CSNK1G1: variants seen among roughly 807,000 people sequenced by gnomAD.
CSNK1G1 encodes the protein casein kinase I isoform gamma-1.
A neutral mutation model predicts 59.6 loss-of-function variants in CSNK1G1; 22 were observed. The ratio of observed to expected loss-of-function variants is 0.37; its 90% CI spans 0.26 to 0.53. The LOEUF (loss-of-function observed/expected upper bound fraction) is 0.53. Ranked by LOEUF, CSNK1G1 falls within the 20% of genes least tolerant of loss-of-function variation. CSNK1G1 has a pLI of 0.89. For synonymous variants in CSNK1G1, 179 were observed against 177.1 expected, an observed-to-expected ratio of 1.01 and a Z score of -0.08; for missense variants, 384 against 519.5, an observed-to-expected ratio of 0.74 and a Z score of 2.54.
rs370667564 is a variant in CSNK1G1 at position 64,300,357 on chromosome 15, T to C, written c.143A>G (p.Lys48Arg). 3.5e-5 allele frequency: 57 copies of C among 1,614,082 alleles called. No homozygotes were observed. Among genetic ancestry groups the C allele is most frequent in the Admixed American group, 2.5e-4 (15 of 60,000 alleles). The stretch of plus-strand genomic sequence containing the variant: ...TCCGAAGTTCCCACATCCTATCTTC[T>C]TGCCAACCCTGAAGTTGGGTCCCAC... ...LMVGPNFRVGKKIGCGNFGEL... is the reference protein window; with the variant it reads ...LMVGPNFRVGRKIGCGNFGEL... Residue 48 changes from lysine (K) to arginine (R), a missense_variant, in exon 2 of 12, where the codon AAG becomes AGG. Around this residue, in one of 3 missense-constraint regions of CSNK1G1, gnomAD observed 56 missense variants for 60.8 expected, o/e 0.92. Coordinates refer to ENST00000303052, the MANE Select transcript of CSNK1G1 (RefSeq NM_022048.5).
intron 4 of CSNK1G1, among the ~76,000 whole-genome samples, chr15:64,245,161 T>C (rs527314059): frequency 2.0e-5 from 3 of 151,006 alleles, no homozygotes; most frequent in South Asian, 2.1e-4. Context: ...GAATAAAACA[T>C]TGGGGAAATG....
intron 10 of CSNK1G1, among the ~76,000 whole-genome samples, chr15:64,199,144 A>T (rs1172224655): frequency 6.7e-6 from 1 of 150,210 alleles, no homozygotes; most frequent in Non-Finnish European, 1.5e-5. Flanking sequence ...CCAGCTACTC[A>T]GGAGGCTAAG....
intron 4 of CSNK1G1, among the ~76,000 whole-genome samples, chr15:64,246,492 T>C (rs1891761133): frequency 1.3e-5 from 2 of 152,030 alleles, no homozygotes; most frequent in South Asian, 4.2e-4. Context: ...CTATGGTGCA[T>C]TGCGCCTGTA....
intron 1 of CSNK1G1, among the ~76,000 whole-genome samples, chr15:64,306,341 C>T (rs746948238): frequency 3.5e-4 from 54 of 152,118 alleles, no homozygotes; most frequent in Non-Finnish European, 6.6e-4. Flanking sequence ...TTGAATCAGA[C>T]GTCTCTTCAA....
chr15:64,192,233 A>G (rs914270438), intron 10 of CSNK1G1, among the ~76,000 whole-genome samples: 1 of 152,240 alleles, frequency 6.6e-6, no homozygotes, highest in Admixed American at 6.5e-5. Flanking sequence ...AAAGTCATTC[A>G]GCAAAGTCAA....
At chr15:64,278,365 T>A (rs1243447938) in intron 2 of CSNK1G1, among the ~76,000 whole-genome samples, 1 of 149,410 alleles carries the variant, frequency 6.7e-6, no homozygotes, top group Non-Finnish European at 1.5e-5. Flanking sequence ...AAAGTATATA[T>A]GCATGTATGT....
chr15:64,344,777 T>G (rs899599892), intron 1 of CSNK1G1, among the ~76,000 whole-genome samples: 1 of 152,194 alleles, frequency 6.6e-6, no homozygotes, highest in Non-Finnish European at 1.5e-5. Context: ...GCAAGTCACT[T>G]AGCCTCTCTG....
intron 1 of CSNK1G1, among the ~76,000 whole-genome samples, chr15:64,334,153 C>A (rs1456733647): frequency 1.3e-5 from 2 of 152,182 alleles, no homozygotes; most frequent in African/African-American, 2.4e-5. Flanking sequence ...TCATTCATTA[C>A]AGGCATGCAC....
At chr15:64,305,689 T>C (rs1425032884) in intron 1 of CSNK1G1, among the ~76,000 whole-genome samples, 1 of 143,384 alleles carries the variant, frequency 7.0e-6, no homozygotes, top group Non-Finnish European at 1.5e-5. Context: ...AGTATGACCC[T>C]GTCTCCAAAA....
At chr15:64,245,997 A>AGAAC (rs1462876029) in intron 4 of CSNK1G1, among the ~76,000 whole-genome samples, 6 of 152,204 alleles carry the variant, frequency 3.9e-5, no homozygotes, top group Non-Finnish European at 7.3e-5. Context: ...ACATACAGTT[A>AGAAC]GAAGCAATAA....
rs935215805 is a variant in CSNK1G1, at chr15:64,167,805, C to T, written c.*4126G>A. On this transcript the variant is annotated 3_prime_UTR_variant, in exon 12 of 12. Transcript: ENST00000303052. ...TCAAACGAAAGTTCCTCTGAGAAGA[C>T]GTTTTCTTGGCTGCCATGGAAGTTC... 1.3e-5 allele frequency: 2 copies of T among 152,462 alleles called. No individual in the cohort carries two copies. Among genetic ancestry groups the T allele is most frequent in the Admixed American group, 6.5e-5 (1 of 15,282 alleles). 9.4% of individuals were successfully genotyped at this position (152,462 alleles called of 1,614,324 possible).
intron 10 of CSNK1G1, among the ~76,000 whole-genome samples, chr15:64,186,894 G>C (rs1396721455): frequency 1.3e-5 from 2 of 152,020 alleles, no homozygotes; most frequent in Non-Finnish European, 2.9e-5. Context: ...CGTGATCTCG[G>C]CTCACTGCAA....
intron 1 of CSNK1G1, among the ~76,000 whole-genome samples, chr15:64,317,506 A>T (rs1896335756): frequency 6.8e-6 from 1 of 147,182 alleles, no homozygotes; most frequent in Non-Finnish European, 1.5e-5. Flanking sequence ...CTTTTTTTGT[A>T]TCCATCAAAG....
chr15:64,329,296 TA>T (rs1897001110), intron 1 of CSNK1G1, among the ~76,000 whole-genome samples: 1 of 151,566 alleles, frequency 6.6e-6, no homozygotes, highest in African/African-American at 2.4e-5. Flanking sequence ...TCAGCAAATG[TA>T]AAAGAACAGA....
intron 1 of CSNK1G1, among the ~76,000 whole-genome samples, chr15:64,326,217 G>C (rs763430902): frequency 2.0e-5 from 3 of 152,100 alleles, no homozygotes; most frequent in Non-Finnish European, 4.4e-5. Flanking sequence ...GTAGAGACAG[G>C]GTTTTGCCAT....
chr15:64,226,302 G>A (rs1322467479), intron 4 of CSNK1G1, among the ~76,000 whole-genome samples: 4 of 152,162 alleles, frequency 2.6e-5, no homozygotes, highest in Admixed American at 6.5e-5. Flanking sequence ...GCTCACGCCT[G>A]TAATCCCAGC....
At chr15:64,319,690 G>A (rs1017006253) in intron 1 of CSNK1G1, among the ~76,000 whole-genome samples, 3 of 151,922 alleles carry the variant, frequency 2.0e-5, no homozygotes, top group Admixed American at 6.6e-5. Flanking sequence ...GATTACAGGC[G>A]CATGCCGCCA....
chr15:64,335,589 T>C (rs923185765), intron 1 of CSNK1G1, among the ~76,000 whole-genome samples: 3 of 152,202 alleles, frequency 2.0e-5, no homozygotes, highest in African/African-American at 7.2e-5. Context: ...TATATTTCTT[T>C]CATGAATATT....
At chr15:64,196,112 G>A (rs1370218133) in intron 10 of CSNK1G1, among the ~76,000 whole-genome samples, 1 of 152,096 alleles carries the variant, frequency 6.6e-6, no homozygotes, top group Non-Finnish European at 1.5e-5. Context: ...AGCTGTTTGG[G>A]AGGCTGGGGT....
Sources: gnomAD v4.1 joint callset for allele counts (sites outside exome capture counted in the v4.1 genomes callset) on GRCh38, gnomAD v4.1.1 for gene constraint, gnomAD v4.1.1 regional missense constraint, MANE v1.5 for transcripts, NCBI Gene and HGNC (gene_info 2026-07-23, HGNC 2026-07-21) for gene names.